Variants in CATSPERE observed in about 807,000 individuals in gnomAD.
CATSPERE encodes catsper channel auxiliary subunit epsilon, also known as cation channel sperm-associated auxiliary subunit epsilon.
CATSPERE carries 93 observed loss-of-function variants against 114.1 expected under a neutral mutation model. That is an observed-to-expected ratio of 0.81 (90% CI 0.69 to 0.97). The LOEUF is 0.97. Ranked by LOEUF, CATSPERE falls within the 50% of genes least tolerant of loss-of-function variation. The probability of loss-of-function intolerance (pLI) is 0.00; values close to 1 mark genes in which losing one functional copy is unlikely to be tolerated. For synonymous variants in CATSPERE, 341 were observed against 384.1 expected (o/e 0.89, Z 1.31); for missense variants, 1,058 against 1,131.6 (o/e 0.93, Z 0.93).
intron 20 of CATSPERE, among the ~76,000 whole-genome samples, chr1:244,630,947 C>G (rs1287687425): frequency 6.6e-6 from 1 of 151,886 alleles, no homozygotes; most frequent in Non-Finnish European, 1.5e-5. Flanking sequence ...TGGTCTAACA[C>G]TCTCAGAATT....
At chr1:244,490,329 G>A (rs544897905) in intron 5 of CATSPERE, 118 bp from the exon 6 acceptor site, 47 of 605,480 alleles carry the variant, frequency 7.8e-5, no homozygotes, top group Admixed American at 4.6e-4. Flanking sequence ...TTTATATACC[G>A]TAATGAAATA....
At chr1:244,463,542 A>G (rs1026643996) in intron 1 of CATSPERE, among the ~76,000 whole-genome samples, 4 of 152,138 alleles carry the variant, frequency 2.6e-5, no homozygotes, top group African/African-American at 7.2e-5. Flanking sequence ...ACAAAAAAAA[A>G]AGAGAAATAC....
chr1:244,486,963 G>A (rs538602686), intron 5 of CATSPERE, among the ~76,000 whole-genome samples: 2 of 141,490 alleles, frequency 1.4e-5, no homozygotes, highest in South Asian at 2.4e-4. Context: ...AGCATGTGGA[G>A]TACTCGTGGG....
intron 10 of CATSPERE, 80 bp from the exon 11 acceptor site, chr1:244,572,250 T>C: frequency 1.4e-6 from 1 of 709,540 alleles, no homozygotes; most frequent in African/African-American, 1.8e-5. Context: ...AAAGAAATTA[T>C]TTTGGTTAAA....
At chr1:244,548,942 C>T (rs3003226) in intron 8 of CATSPERE, among the ~76,000 whole-genome samples, 151,187 of 152,292 alleles carry the variant, frequency 0.99, 75,055 homozygotes, top group Middle Eastern at 1. Context: ...CCCAGGACTT[C>T]ATGCTCTGCT....
In CATSPERE at chr1:244,583,885, G is replaced by A. The variant is rs1331000955; in HGVS notation, c.2031G>A (p.Val677=). 3 of 1,614,044 alleles carry A rather than the reference G, an allele frequency of 1.9e-6. No homozygotes were observed. Among genetic ancestry groups the A allele is most frequent in the Non-Finnish European group, 2.5e-6 (3 of 1,179,964 alleles). Reference sequence around the variant, plus strand: ...CTAGAGACAAGCACACGGGTCTTGTGCTGGTTCAGTTTCGACCTAGTGAAT... The same window carrying A: ...CTAGAGACAAGCACACGGGTCTTGTACTGGTTCAGTTTCGACCTAGTGAAT... ...FETQDKHTGL[V]LVQFRPSEYS... is the part of the protein sequence containing the mutation. Residue 677 remains valine, a synonymous_variant, in exon 13 of 22, where the codon GTG becomes GTA. Transcript: ENST00000366534.
chr1:244,552,176 G>C (rs1301926824), intron 8 of CATSPERE, 146 bp from the exon 9 acceptor site: 2 of 901,978 alleles, frequency 2.2e-6, no homozygotes, highest in Non-Finnish European at 3.1e-6. Flanking sequence ...TGACAATGTG[G>C]CAGTGGTTGC....
chr1:244,475,835 A>G (rs945815106), intron 2 of CATSPERE, among the ~76,000 whole-genome samples: 1 of 152,142 alleles, frequency 6.6e-6, no homozygotes, highest in Admixed American at 6.5e-5. Context: ...ACACCCGGCC[A>G]TACCACAAAT....
intron 17 of CATSPERE, among the ~76,000 whole-genome samples, chr1:244,596,782 A>G (rs927308442): frequency 1.3e-5 from 2 of 151,918 alleles, no homozygotes; most frequent in African/African-American, 4.8e-5. Context: ...AAATTTAAAA[A>G]AAAAAAAAAA....
At chr1:244,619,379 G>A (rs1251000556) in intron 20 of CATSPERE, among the ~76,000 whole-genome samples, 3 of 152,172 alleles carry the variant, frequency 2.0e-5, no homozygotes, top group Non-Finnish European at 4.4e-5. Context: ...TAAAAATGCA[G>A]TAAAACAGGA....
chr1:244,522,607 AAGAG>A lies in CATSPERE; in HGVS notation c.536+3913_536+3916del, dbSNP rs898053054. Among the ~76,000 whole-genome samples, 11 of 152,342 alleles carry A rather than the reference AAGAG, an allele frequency of 7.2e-5. No homozygotes were observed. The East Asian group carries it at 9.6e-4, about 13-fold the overall frequency. On this transcript the variant is annotated intron_variant, in intron 8 of 21. Transcript: ENST00000366534. Reference sequence around the variant, plus strand: ...CACTAGCAAAACTAATAAAGAAAAAAAGAGAGAAGAATCAAATAGACGCAATAAA... The same window carrying A: ...CACTAGCAAAACTAATAAAGAAAAAAAGAAGAATCAAATAGACGCAATAAA...
chr1:244,604,050 C>T (rs1450143833), intron 17 of CATSPERE, among the ~76,000 whole-genome samples: 2 of 152,216 alleles, frequency 1.3e-5, no homozygotes, highest in African/African-American at 4.8e-5. Flanking sequence ...AAGATGCAAA[C>T]ATTCTGTTCT....
At chr1:244,497,595 G>A (rs1673309728) in intron 6 of CATSPERE, among the ~76,000 whole-genome samples, 1 of 152,070 alleles carries the variant, frequency 6.6e-6, no homozygotes, top group African/African-American at 2.4e-5. Context: ...TCAGGAGTTC[G>A]AGACCAGCCT....
chr1:244,541,140 G>A (rs1283534964), intron 8 of CATSPERE, among the ~76,000 whole-genome samples: 1 of 145,358 alleles, frequency 6.9e-6, no homozygotes, highest in Admixed American at 7.0e-5. Context: ...GGCAACAAAA[G>A]ACAAAATTGA....
At chr1:244,459,988 A>T (rs1666520596), upstream of CATSPERE, among the ~76,000 whole-genome samples, 1 of 152,206 alleles carries the variant, frequency 6.6e-6, no homozygotes. Flanking sequence ...CCATCTTCAT[A>T]GCCTACCCAA....
In CATSPERE at chr1:244,568,798, T is replaced by C. The variant is rs138495990; in HGVS notation, c.1508-3532T>C. Among the ~76,000 whole-genome samples, 1,507 of 152,314 alleles carry C rather than the reference T, an allele frequency of 9.9e-3. 30 individuals are homozygous for C. The highest frequency in any genetic ancestry group is 0.033 in the African/African-American group (1,382 of 41,568). The stretch of plus-strand genomic sequence containing the variant: ...TGGACTCCATAGGGGTGGGATCCAC[T>C]GAGCTAGACCACTTGGCTCCCTGGC... On this transcript the variant is annotated intron_variant, in intron 10 of 21. Transcript: ENST00000366534. The surrounding 1 kb of genome is among the most constrained non-coding windows in gnomAD (Gnocchi z 4.4).
intron 19 of CATSPERE, among the ~76,000 whole-genome samples, chr1:244,613,283 T>C (rs1188329544): frequency 6.6e-6 from 1 of 152,156 alleles, no homozygotes; most frequent in African/African-American, 2.4e-5. Context: ...TATTTTCAAG[T>C]GGGGATACAT....
intron 18 of CATSPERE, 66 bp downstream of exon 18, chr1:244,605,860 T>G (rs1398792430): frequency 2.6e-6 from 3 of 1,149,730 alleles, no homozygotes; most frequent in African/African-American, 1.6e-5. Flanking sequence ...TGTTTTAAAT[T>G]TATAAATAAG....
chr1:244,476,822 AT>A (rs1013615894), intron 2 of CATSPERE, among the ~76,000 whole-genome samples: 8 of 152,328 alleles, frequency 5.3e-5, no homozygotes, highest in African/African-American at 1.9e-4. Context: ...AGCTTTAGAA[AT>A]AAGAAAAAGA....
Sources: gnomAD v4.1 joint callset for allele counts (sites outside exome capture counted in the v4.1 genomes callset) on GRCh38, gnomAD v4.1.1 for gene constraint, Gnocchi (gnomAD v3.1) non-coding constraint, MANE v1.5 for transcripts, NCBI Gene and HGNC (gene_info 2026-07-23, HGNC 2026-07-21) for gene names.